The following EXT1 variants were observed in gnomAD, a reference collection of about 807,000 sequenced individuals.
EXT1 encodes the protein exostosin-1.
In EXT1, 20 loss-of-function variants were observed where a neutral mutation model predicts 82.5. The observed-to-expected ratio is 0.24, with a 90% CI of 0.17 to 0.35. The LOEUF (loss-of-function observed/expected upper bound fraction) is 0.35, where lower values mean the gene tolerates loss of function less well. Ranked by LOEUF, EXT1 falls within the 10% of genes least tolerant of loss-of-function variation. The probability of loss-of-function intolerance (pLI) is 1.00; values close to 1 mark genes in which losing one functional copy is unlikely to be tolerated. For missense variants in EXT1, 757 were observed against 936.5 expected (o/e 0.81, Z 2.50); for synonymous variants, 348 against 350.8 (o/e 0.99, Z 0.09).
At chr8:117,829,111 G>A (rs1364058836) in intron 4 of EXT1, among the ~76,000 whole-genome samples, 1 of 152,050 alleles carries the variant, frequency 6.6e-6, no homozygotes, top group Non-Finnish European at 1.5e-5. Context: ...CTCATTTTGG[G>A]ACACCTCAGA....
At chr8:117,915,557 T>C (rs559874489) in intron 1 of EXT1, among the ~76,000 whole-genome samples, 1 of 152,260 alleles carries the variant, frequency 6.6e-6, no homozygotes, top group African/African-American at 2.4e-5. Context: ...AAACAATATA[T>C]CAAATCACTA....
intron 1 of EXT1, among the ~76,000 whole-genome samples, chr8:117,998,780 G>C (rs1383107348): frequency 6.6e-6 from 1 of 152,162 alleles, no homozygotes; most frequent in Non-Finnish European, 1.5e-5. Flanking sequence ...CCCCAAATGA[G>C]TCAGAATGAG....
At chr8:117,892,677 G>A (rs186463022) in intron 1 of EXT1, among the ~76,000 whole-genome samples, 3 of 152,330 alleles carry the variant, frequency 2.0e-5, no homozygotes, top group African/African-American at 2.4e-5. Context: ...GTGGGAAATG[G>A]AAGCAGGGAA....
At chr8:117,898,562 A>G (rs1322149645) in intron 1 of EXT1, among the ~76,000 whole-genome samples, 1 of 152,352 alleles carries the variant, frequency 6.6e-6, no homozygotes, top group South Asian at 2.1e-4. Flanking sequence ...TACAAGTTGA[A>G]TTCGAACTTA....
chr8:118,035,218 A>T (rs1172078235), intron 1 of EXT1, among the ~76,000 whole-genome samples: 1 of 152,058 alleles, frequency 6.6e-6, no homozygotes, highest in Non-Finnish European at 1.5e-5. Context: ...TGTCCTACTC[A>T]ATGTGGTTTG....
At chr8:117,839,296 A>G (rs547992900) in intron 1 of EXT1, among the ~76,000 whole-genome samples, 1 of 152,336 alleles carries the variant, frequency 6.6e-6, no homozygotes, top group East Asian at 1.9e-4. Flanking sequence ...TACTTGGGCT[A>G]GATGACTATA....
At chr8:117,985,361 C>G (rs751727815) in intron 1 of EXT1, among the ~76,000 whole-genome samples, 1 of 152,214 alleles carries the variant, frequency 6.6e-6, no homozygotes, top group Non-Finnish European at 1.5e-5. Flanking sequence ...AAACCTCTAG[C>G]GGGCACCAAT....
intron 7 of EXT1, 56 bp downstream of exon 7, chr8:117,818,379 A>C (rs575470124): frequency 1.4e-6 from 2 of 1,450,628 alleles, no homozygotes; most frequent in East Asian, 2.3e-5. Flanking sequence ...AAAGTGCCCC[A>C]TGGAGAAACC....
At chr8:117,964,307 T>C (rs1046155205) in intron 1 of EXT1, among the ~76,000 whole-genome samples, 7 of 152,228 alleles carry the variant, frequency 4.6e-5, no homozygotes, top group African/African-American at 7.2e-5. Flanking sequence ...CAACTCCACA[T>C]TGGCTTCTAG....
At chr8:118,043,346 T>C (rs975487998) in intron 1 of EXT1, among the ~76,000 whole-genome samples, 1 of 152,148 alleles carries the variant, frequency 6.6e-6, no homozygotes, top group Admixed American at 6.5e-5. Flanking sequence ...AAATCCAAAC[T>C]TGATACCTGC....
chr8:117,929,834 G>A (rs145418247), intron 1 of EXT1, among the ~76,000 whole-genome samples: 1,600 of 152,298 alleles, frequency 0.011, 23 homozygotes, highest in Non-Finnish European at 0.014. Context: ...GCAGCCAGGC[G>A]TGGTGCCTCA....
At chr8:117,813,864 G>T (rs1329662270) in intron 7 of EXT1, among the ~76,000 whole-genome samples, 1 of 152,038 alleles carries the variant, frequency 6.6e-6, no homozygotes, top group Non-Finnish European at 1.5e-5. Context: ...AAATTAGCCA[G>T]GTGTGGTGGT....
At chr8:117,867,989 T>A (rs1161741479) in intron 1 of EXT1, among the ~76,000 whole-genome samples, 1 of 152,240 alleles carries the variant, frequency 6.6e-6, no homozygotes, top group African/African-American at 2.4e-5. Context: ...GCACTTTTAA[T>A]TATCTGTCTC....
At chr8:117,858,766 A>AAGCCAGGC (rs1812615977) in intron 1 of EXT1, among the ~76,000 whole-genome samples, 1 of 54,676 alleles carries the variant, frequency 1.8e-5, no homozygotes, top group Non-Finnish European at 3.2e-5. Context: ...GGAAGGAAGG[A>AAGCCAGGC]AGGCAGGCAG....
At chr8:117,806,874 G>A (rs1823246413) in intron 9 of EXT1, among the ~76,000 whole-genome samples, 1 of 152,220 alleles carries the variant, frequency 6.6e-6, no homozygotes, top group African/African-American at 2.4e-5. Context: ...TTTACTCAGT[G>A]ATGAATCCCA....
intron 1 of EXT1, among the ~76,000 whole-genome samples, chr8:117,967,702 T>C (rs1814850847): frequency 3.9e-5 from 6 of 152,250 alleles, no homozygotes; most frequent in Admixed American, 3.9e-4. Context: ...ATTACGGTTG[T>C]TGCTAATAAT....
chr8:117,882,903 G>A (rs1348925333), intron 1 of EXT1, among the ~76,000 whole-genome samples: 1 of 151,512 alleles, frequency 6.6e-6, no homozygotes, highest in East Asian at 1.9e-4. Flanking sequence ...CTTGAACTGG[G>A]GAGACAGAGA....
rs1823119313 is a variant in EXT1 at position 117,798,688 on chromosome 8, T to G, written c.*1024A>C. 1 of 152,250 alleles carries G rather than the reference T, an allele frequency of 6.6e-6. No individual in the cohort carries two copies. Among genetic ancestry groups the G allele is most frequent in the Admixed American group, 6.5e-5 (1 of 15,288 alleles). 9.4% of individuals were successfully genotyped at this position (152,250 alleles called of 1,614,324 possible). A position where few individuals can be genotyped will look rare whatever the true frequency, so the allele number is the denominator to read the frequency against. The stretch of plus-strand genomic sequence containing the variant: ...CCTCTTGTTCATTGGTGTGAATTTC[T>G]ACCTTATTACCCCTTTTTCTTTCTC... On this transcript the variant is annotated 3_prime_UTR_variant, in exon 11 of 11. Coordinates refer to ENST00000378204, the MANE Select transcript of EXT1 (RefSeq NM_000127.3).
At chr8:117,919,024 T>C (rs1222683465) in intron 1 of EXT1, among the ~76,000 whole-genome samples, 1 of 152,168 alleles carries the variant, frequency 6.6e-6, no homozygotes, top group Non-Finnish European at 1.5e-5. Context: ...AAATCTACTG[T>C]TAGCAGAATT....
Sources: allele counts gnomAD v4.1 joint callset (sites outside exome capture counted in the v4.1 genomes callset), GRCh38; gene constraint gnomAD v4.1.1; transcripts MANE v1.5; gene names NCBI Gene and HGNC (gene_info 2026-07-23, HGNC 2026-07-21).